Variants in RNF38 observed in about 807,000 individuals in gnomAD.
RNF38 encodes ring finger protein 38.
RNF38 carries 15 observed loss-of-function variants against 67.2 expected under a neutral mutation model. The ratio of observed to expected loss-of-function variants is 0.22; its 90% confidence interval spans 0.15 to 0.34. RNF38 has a LOEUF of 0.34. Among genes scored for constraint, RNF38 ranks in the 10% least tolerant of loss-of-function variants. The pLI, the probability that RNF38 is intolerant of heterozygous loss-of-function variation, is 1.00. For synonymous variants in RNF38, 220 were observed against 218.8 expected, an observed-to-expected ratio of 1.01 and a Z score of -0.05; for missense variants, 524 against 639.9, an observed-to-expected ratio of 0.82 and a Z score of 1.95.
chr9:36,377,396 A>T (rs552541133), intron 2 of RNF38, among the ~76,000 whole-genome samples: 1 of 152,316 alleles, frequency 6.6e-6, no homozygotes, highest in Admixed American at 6.5e-5. Context: ...TATAAATCAG[A>T]ACTGATTATT....
intron 1 of RNF38, among the ~76,000 whole-genome samples, chr9:36,430,256 G>C (rs1704567795): frequency 6.6e-6 from 1 of 152,094 alleles, no homozygotes. Flanking sequence ...GCCCAGGCTG[G>C]AGTGCAATGG....
intron 2 of RNF38, among the ~76,000 whole-genome samples, chr9:36,381,313 CTT>C (rs1342458851): frequency 1.3e-5 from 2 of 152,170 alleles, no homozygotes; most frequent in Admixed American, 1.3e-4. Context: ...CTGACTCTCT[CTT>C]GACTACAGAG....
intron 1 of RNF38, among the ~76,000 whole-genome samples, chr9:36,393,516 T>G (rs1837286295): frequency 6.9e-6 from 1 of 143,986 alleles, no homozygotes; most frequent in African/African-American, 2.7e-5. Flanking sequence ...TGTGTGTGTG[T>G]GTGTGTGGGG....
intron 5 of RNF38, among the ~76,000 whole-genome samples, 166 bp downstream of exon 5, chr9:36,357,609 C>A (rs4879986): frequency 0.015 from 2,232 of 152,206 alleles, 31 homozygotes; most frequent in East Asian, 0.061. Flanking sequence ...ATAAAATTGG[C>A]CTTTTTACTT....
intron 1 of RNF38, among the ~76,000 whole-genome samples, chr9:36,467,226 A>G (rs1259045910): frequency 5.7e-5 from 5 of 87,518 alleles, no homozygotes; most frequent in Non-Finnish European, 1.1e-4. Context: ...ACATATATAT[A>G]TATATAATAT....
intron 1 of RNF38, among the ~76,000 whole-genome samples, chr9:36,466,124 T>G (rs1229034309): frequency 3.3e-5 from 5 of 152,206 alleles, no homozygotes; most frequent in Non-Finnish European, 7.3e-5. Flanking sequence ...ATACTATCTA[T>G]TCTAAGTGGA....
At chr9:36,356,544 T>C in intron 5 of RNF38, 71 bp from the exon 6 acceptor site, 22 of 1,318,244 alleles carry the variant, frequency 1.7e-5, no homozygotes, top group Non-Finnish European at 2.3e-5. Flanking sequence ...GATAGTGAGA[T>C]TAAAATCTGT....
At chr9:36,411,836 T>C (rs1055089400) in intron 2 of RNF38, among the ~76,000 whole-genome samples, 2 of 152,086 alleles carry the variant, frequency 1.3e-5, no homozygotes, top group Non-Finnish European at 2.9e-5. Context: ...TCCAAGGTGC[T>C]GGGAATATAG....
At chr9:36,379,730 A>G (rs372717489) in intron 2 of RNF38, among the ~76,000 whole-genome samples, 1 of 152,232 alleles carries the variant, frequency 6.6e-6, no homozygotes, top group South Asian at 2.1e-4. Flanking sequence ...CATTAGAACA[A>G]GAAGTCAGAG....
At chr9:36,459,242 CACAGCT>C (rs1157822687) in intron 1 of RNF38, among the ~76,000 whole-genome samples, 1 of 151,792 alleles carries the variant, frequency 6.6e-6, no homozygotes, top group East Asian at 1.9e-4. Flanking sequence ...GATTGCCCTC[CACAGCT>C]ACACACTGAA....
chr9:36,446,577 CAGAA>C (rs1839305444), intron 1 of RNF38, among the ~76,000 whole-genome samples: 1 of 151,980 alleles, frequency 6.6e-6, no homozygotes, highest in Admixed American at 6.6e-5. Flanking sequence ...GAAGCTGAGG[CAGAA>C]GGATCACTTG....
At chr9:36,345,096 G>A (rs942696746) in intron 9 of RNF38, 143 bp from the exon 10 acceptor site, 1 of 746,180 alleles carries the variant, frequency 1.3e-6, no homozygotes, top group Non-Finnish European at 2.0e-6. Context: ...TGTGCACTGT[G>A]GCCTCGAACT....
At chr9:36,418,036 A>G (rs1838519791) in intron 2 of RNF38, among the ~76,000 whole-genome samples, 1 of 151,410 alleles carries the variant, frequency 6.6e-6, no homozygotes, top group African/African-American at 2.4e-5. Flanking sequence ...TTGTTTTTAC[A>G]ATCAATATGT....
intron 1 of RNF38, among the ~76,000 whole-genome samples, chr9:36,478,403 CAAAAAAAAAAA>C (rs566516265): frequency 4.2e-5 from 3 of 72,286 alleles, no homozygotes; most frequent in African/African-American, 1.0e-4. Context: ...GACTCCGTCT[CAAAAAAAAAAA>C]AAAAAAAAAG....
chr9:36,396,312 C>T (rs1837506184), intron 1 of RNF38, among the ~76,000 whole-genome samples: 2 of 152,192 alleles, frequency 1.3e-5, no homozygotes, highest in Non-Finnish European at 2.9e-5. Context: ...CTGCAGGTTA[C>T]CATTAAATGA....
upstream of RNF38, among the ~76,000 whole-genome samples, chr9:36,405,466 G>C (rs1379836827): frequency 1.3e-5 from 2 of 152,160 alleles, no homozygotes; most frequent in African/African-American, 4.8e-5. Context: ...TTTTGCTTCT[G>C]TGTTGAGTGA....
intron 1 of RNF38, among the ~76,000 whole-genome samples, chr9:36,435,701 C>G (rs1324312096): frequency 6.6e-6 from 1 of 151,114 alleles, no homozygotes; most frequent in Non-Finnish European, 1.5e-5. Context: ...GCGATCTCGG[C>G]TCCCTGCAAG....
At chr9:36,430,926 C>T (rs1476112088) in intron 1 of RNF38, among the ~76,000 whole-genome samples, 1 of 152,018 alleles carries the variant, frequency 6.6e-6, no homozygotes, top group Non-Finnish European at 1.5e-5. Context: ...CCACACCAAG[C>T]AATCCTTCAG....
In RNF38 at chr9:36,351,638, G is replaced by A. The variant is rs144640736; in HGVS notation, c.1179-439C>T. Among the ~76,000 whole-genome samples the A allele has an allele frequency of 2.9e-3, 443 of 152,236 alleles. 5 individuals carry two copies. Among genetic ancestry groups the A allele is most frequent in the African/African-American group, 6.0e-3 (249 of 41,542 alleles). ...AGATAGAAAGATAAATAGAGAAAAC[G>A]GGGAGAGAGAGGAAGGAAGGAAGGA... On this transcript the variant is annotated intron_variant, in intron 8 of 11. Transcript: ENST00000259605.
Sources: gnomAD v4.1 joint callset for allele counts (sites outside exome capture counted in the v4.1 genomes callset) on GRCh38, gnomAD v4.1.1 for gene constraint, MANE v1.5 for transcripts, NCBI Gene and HGNC (gene_info 2026-07-23, HGNC 2026-07-21) for gene names.